CRISP2: variants seen among roughly 807,000 people sequenced by gnomAD.
The protein encoded by CRISP2 is cysteine rich secretory protein 2.
In CRISP2, 29 loss-of-function variants were observed where a neutral mutation model predicts 31.7. The ratio of observed to expected loss-of-function variants is 0.92; its 90% CI spans 0.68 to 1.25. The LOEUF is 1.25. CRISP2 is among the 50% of genes most tolerant of loss of function. The pLI, the probability that CRISP2 is intolerant of heterozygous loss-of-function variation, is 0.00. For synonymous variants in CRISP2, 111 were observed against 101.4 expected, an observed-to-expected ratio of 1.09 and a Z score of -0.57; for missense variants, 318 against 286.5, an observed-to-expected ratio of 1.11 and a Z score of -0.79.
the CRISP2 span, among the ~76,000 whole-genome samples, chr6:49,680,170 AG>A: frequency 6.6e-6 from 1 of 152,032 alleles, no homozygotes; most frequent in Non-Finnish European, 1.5e-5. Context: ...CCCTCTGATA[AG>A]TTCCAGTGTG....
At position 49,699,816 on chromosome 6, in the gene CRISP2, C is replaced by T; in HGVS notation, c.259G>A (p.Asp87Asn). The T allele has an allele frequency of 6.2e-7, 1 of 1,610,832 alleles. No homozygotes were observed. The highest frequency in any genetic ancestry group is 2.2e-5 in the East Asian group (1 of 44,740). Reference sequence around the variant, plus strand: ...CTAATTTACATACTGGTTTTGCGGTCCTCTGGATCACTATGTTGTAAAGTG... The same window carrying T: ...CTAATTTACATACTGGTTTTGCGGTTCTCTGGATCACTATGTTGTAAAGTG... ...KCTLQHSDPE[D>N]RKTSTRCGEN... Residue 87 changes from aspartate (D) to asparagine (N), a missense_variant, in exon 6 of 10, where the codon GAC becomes AAC. Physicochemically the swap from Asp to Asn is conservative, Grantham distance 23. Transcript: ENST00000339139.
downstream of CRISP2, among the ~76,000 whole-genome samples, chr6:49,688,514 C>T (rs1763954067): frequency 6.6e-6 from 1 of 151,848 alleles, no homozygotes; most frequent in Non-Finnish European, 1.5e-5. Context: ...TAGCTGGTAA[C>T]TAATTGGGCT....
rs1247630547 is a variant in CRISP2 at position 49,692,832 on chromosome 6, G to C, written c.673C>G (p.His225Asp). The C allele has an allele frequency of 6.2e-7, 1 of 1,613,634 alleles. No individual in the cohort carries two copies. ...TTGCACTTTTCCTTGAGTAACTCAT[G>C]TTCACAGCCAGCTGTATTCTTCAAG... The part of the protein sequence containing the change: ...DSLKNTAGCE[H>D]ELLKEKCKAT... Residue 225 changes from histidine to aspartate, a missense_variant, in exon 10 of 10, where the codon CAT (histidine) becomes GAT (aspartate). Physicochemically the swap from His to Asp is moderately conservative, Grantham distance 81. Transcript: ENST00000339139.
the CRISP2 span, among the ~76,000 whole-genome samples, chr6:49,687,112 G>A: frequency 6.6e-6 from 1 of 151,956 alleles, no homozygotes. Context: ...AAATGATGAG[G>A]TAATGGGTGC....
At chr6:49,683,847 A>G in the CRISP2 span, among the ~76,000 whole-genome samples, 6 of 150,516 alleles carry the variant, frequency 4.0e-5, no homozygotes, top group Admixed American at 4.0e-4. Context: ...AATACAGAAC[A>G]AGTAATCTAC....
chr6:49,685,297 T>C, the CRISP2 span, among the ~76,000 whole-genome samples: 137 of 152,328 alleles, frequency 9.0e-4, no homozygotes, highest in Non-Finnish European at 1.5e-3. Context: ...ATTTTATGAA[T>C]CATTTTTATG....
chr6:49,689,070 C>A (rs569993115), downstream of CRISP2, among the ~76,000 whole-genome samples: 2 of 152,042 alleles, frequency 1.3e-5, no homozygotes, highest in South Asian at 4.1e-4. Flanking sequence ...TGAAGATTCA[C>A]CATGTTGATC....
intron 4 of CRISP2, among the ~76,000 whole-genome samples, chr6:49,705,581 G>A (rs985920423): frequency 6.6e-6 from 1 of 152,134 alleles, no homozygotes; most frequent in South Asian, 2.1e-4. Flanking sequence ...TTATTACAAA[G>A]TTCAGCTGGA....
intron 8 of CRISP2, chr6:49,697,596 T>A (rs1268683080): frequency 1.4e-6 from 1 of 719,072 alleles, no homozygotes; most frequent in Non-Finnish European, 2.2e-6. Flanking sequence ...GCTCACAGAG[T>A]AACCCTAAGC....
intron 8 of CRISP2, 22 bp downstream of exon 8, chr6:49,697,838 A>G: frequency 3.7e-6 from 6 of 1,606,628 alleles, no homozygotes; most frequent in Non-Finnish European, 5.1e-6. Flanking sequence ...TATTGCCATT[A>G]AACTCTAAAC....
Position 49,700,776 on chromosome 6 carries a change from A to G in CRISP2, c.75T>C (p.Ala25=), listed in dbSNP as rs1306690198. The G allele has an allele frequency of 6.3e-7, 1 of 1,597,548 alleles. No homozygotes were observed. Among genetic ancestry groups the G allele is most frequent in the South Asian group, 1.1e-5 (1 of 89,850 alleles). The change falls in exon 5 of 10, where the codon GCT becomes GCC. Residue 25 remains alanine (A), a synonymous_variant. Coordinates refer to ENST00000339139, the MANE Select transcript of CRISP2 (RefSeq NM_003296.4). ...PSLPAEGKDP[A]FTALLTTQLQ... ...ACTGGGTGGTTAACAAAGCAGTAAA[A>G]GCGGGATCCTAAAAGAAAATAAAAT...
chr6:49,689,803 C>A (rs1232683009), downstream of CRISP2, among the ~76,000 whole-genome samples: 1 of 152,034 alleles, frequency 6.6e-6, no homozygotes, highest in African/African-American at 2.4e-5. Flanking sequence ...TAATCAGAAT[C>A]CCCCTCTCCT....
In CRISP2 at chr6:49,699,965, G is replaced by T. The variant is rs1384189286; in HGVS notation, c.184-74C>A. The T allele has an allele frequency of 3.8e-6, 5 of 1,312,040 alleles. No individual in the cohort carries two copies. In the Admixed American group the frequency reaches 9.2e-5, roughly 24 times the overall value. 81.3% of individuals were successfully genotyped at this position (1,312,040 alleles called of 1,614,324 possible). A position where few individuals can be genotyped will look rare whatever the true frequency, so the allele number is the denominator to read the frequency against. On this transcript the variant is annotated intron_variant, in intron 5 of 9. Transcript: ENST00000339139. The stretch of plus-strand genomic sequence containing the variant: ...AAACATACACTTTATAATCTGATTT[G>T]TAAATACTTTAAAATTTCTGTAGAT...
downstream of CRISP2, among the ~76,000 whole-genome samples, chr6:49,687,362 T>TA (rs774341060): frequency 1.2e-4 from 18 of 152,350 alleles, no homozygotes; most frequent in Non-Finnish European, 2.4e-4. Context: ...TAAACGTTGA[T>TA]AAAGCATGAA....
intron 6 of CRISP2, among the ~76,000 whole-genome samples, chr6:49,698,908 A>C (rs1765200382): frequency 6.6e-6 from 1 of 152,100 alleles, no homozygotes; most frequent in African/African-American, 2.4e-5. Flanking sequence ...ACCCCAAATA[A>C]ATGTATAAGA....
At chr6:49,694,111 T>A (rs547404272) in intron 9 of CRISP2, among the ~76,000 whole-genome samples, 83 of 152,226 alleles carry the variant, frequency 5.5e-4, no homozygotes, top group Non-Finnish European at 1.0e-3. Context: ...AAGGAGCGAA[T>A]AAGTCTCCTA....
At chr6:49,707,846 T>A (rs1767339388) in intron 4 of CRISP2, among the ~76,000 whole-genome samples, 1 of 152,132 alleles carries the variant, frequency 6.6e-6, no homozygotes, top group South Asian at 2.1e-4. Context: ...GCACTGCACA[T>A]TTTATCACTG....
At chr6:49,689,362 G>A (rs1441978585), downstream of CRISP2, among the ~76,000 whole-genome samples, 1 of 151,976 alleles carries the variant, frequency 6.6e-6, no homozygotes, top group African/African-American at 2.4e-5. Flanking sequence ...AATTACTTAT[G>A]TTTTTATTAT....
At chr6:49,701,657 A>G (rs921459320) in intron 4 of CRISP2, among the ~76,000 whole-genome samples, 1 of 127,016 alleles carries the variant, frequency 7.9e-6, no homozygotes, top group African/African-American at 3.0e-5. Flanking sequence ...TGTATACATT[A>G]TATATGTATA....
Sources: allele counts gnomAD v4.1 joint callset (sites outside exome capture counted in the v4.1 genomes callset), GRCh38; gene constraint gnomAD v4.1.1; transcripts MANE v1.5; gene names NCBI Gene and HGNC (gene_info 2026-07-23, HGNC 2026-07-21).